Variants in CPPED1 observed in about 807,000 individuals in gnomAD.
CPPED1 encodes calcineurin like phosphoesterase domain containing 1.
CPPED1 carries 28 observed loss-of-function variants against 28.0 expected under a neutral mutation model. The ratio of observed to expected loss-of-function variants is 1.00; its 90% CI spans 0.74 to 1.37. The LOEUF is 1.37. Among genes scored for constraint, CPPED1 ranks in the 40% most tolerant of loss-of-function variants. The pLI is 0.00. For synonymous variants in CPPED1, 198 were observed against 180.2 expected, an observed-to-expected ratio of 1.10 and a Z score of -0.79; for missense variants, 504 against 416.5, an observed-to-expected ratio of 1.21 and a Z score of -1.83.
At chr16:12,785,353 G>T (rs948774202) in intron 1 of CPPED1, among the ~76,000 whole-genome samples, 4 of 151,652 alleles carry the variant, frequency 2.6e-5, no homozygotes, top group Admixed American at 2.6e-4. Flanking sequence ...ATGCTCAAGC[G>T]ATCCTCCTGC....
At chr16:12,777,378 C>A (rs1019770909) in intron 2 of CPPED1, among the ~76,000 whole-genome samples, 2 of 152,164 alleles carry the variant, frequency 1.3e-5, no homozygotes, top group East Asian at 1.9e-4. Flanking sequence ...TGAAATCTAA[C>A]AAGGCTTCTG....
chr16:12,745,580 C>A (rs1056441294), intron 2 of CPPED1, among the ~76,000 whole-genome samples: 2 of 152,178 alleles, frequency 1.3e-5, no homozygotes, highest in African/African-American at 4.8e-5. Flanking sequence ...GAACAGAAAA[C>A]CAAATACCGC....
At chr16:12,687,755 G>C (rs550099622) in intron 3 of CPPED1, among the ~76,000 whole-genome samples, 1 of 152,218 alleles carries the variant, frequency 6.6e-6, no homozygotes, top group Admixed American at 6.5e-5. Context: ...CAATACTCCT[G>C]TGTATTGATG....
chr16:12,764,482 C>T (rs550598846), intron 2 of CPPED1, among the ~76,000 whole-genome samples: 3 of 152,198 alleles, frequency 2.0e-5, no homozygotes, highest in Admixed American at 6.5e-5. Context: ...AGATTACAGG[C>T]GTGAGCCACC....
rs533925423 is a variant in CPPED1, at chr16:12,671,811, G to C, written c.716-6696C>G. Among the ~76,000 whole-genome samples the C allele has an allele frequency of 6.0e-4, 92 of 152,202 alleles. 1 individual carries two copies. The highest frequency in any genetic ancestry group is 2.0e-3 in the African/African-American group (85 of 41,524). On this transcript the variant is annotated intron_variant, in intron 3 of 3. Coordinates refer to ENST00000381774, the MANE Select transcript of CPPED1 (RefSeq NM_018340.3). ...TCAATGATGGACGCCATATATGAAG[G>C]TGGTCCCATAAGATTATAATGCTGT...
At chr16:12,686,735 T>C (rs78116148) in intron 3 of CPPED1, among the ~76,000 whole-genome samples, 2,275 of 152,252 alleles carry the variant, frequency 0.015, 49 homozygotes, top group African/African-American at 0.051. Context: ...ACGACAGACA[T>C]GAGAGGCAGA....
At chr16:12,773,119 C>A (rs1365351053) in intron 2 of CPPED1, among the ~76,000 whole-genome samples, 1 of 152,104 alleles carries the variant, frequency 6.6e-6, no homozygotes. Flanking sequence ...AAGTGCAAGA[C>A]CCAAACGAAA....
chr16:12,735,516 G>T (rs1225345098), intron 2 of CPPED1, among the ~76,000 whole-genome samples: 1 of 152,216 alleles, frequency 6.6e-6, no homozygotes, highest in Non-Finnish European at 1.5e-5. Context: ...TGTTGGCCAG[G>T]CTGGCCTCAA....
intron 1 of CPPED1, among the ~76,000 whole-genome samples, chr16:12,789,079 G>A (rs961012277): frequency 3.3e-5 from 5 of 152,180 alleles, no homozygotes; most frequent in African/African-American, 1.2e-4. Flanking sequence ...TTTAATTCAT[G>A]AGTTTCATAA....
chr16:12,778,583 A>G (rs1372647160), intron 2 of CPPED1, among the ~76,000 whole-genome samples: 1 of 152,238 alleles, frequency 6.6e-6, no homozygotes, highest in Non-Finnish European at 1.5e-5. Context: ...GCCAGGGCCA[A>G]GATACTATTT....
chr16:12,756,552 G>T (rs116683305), intron 2 of CPPED1, among the ~76,000 whole-genome samples: 2 of 151,970 alleles, frequency 1.3e-5, no homozygotes, highest in African/African-American at 4.8e-5. Context: ...AATTAGCTGG[G>T]TGTGATGGCA....
At chr16:12,689,915 C>T (rs2079953470) in intron 3 of CPPED1, among the ~76,000 whole-genome samples, 1 of 152,154 alleles carries the variant, frequency 6.6e-6, no homozygotes, top group Non-Finnish European at 1.5e-5. Context: ...GAAACCAAGT[C>T]GACACTTGAT....
intron 2 of CPPED1, among the ~76,000 whole-genome samples, chr16:12,718,121 A>C (rs1410226263): frequency 6.6e-6 from 1 of 152,238 alleles, no homozygotes; most frequent in Non-Finnish European, 1.5e-5. Context: ...AGAGAGCTAC[A>C]GTTAGCTCCA....
At chr16:12,704,583 C>CAT in intron 3 of CPPED1, 41 bp downstream of exon 3, 2 of 1,567,672 alleles carry the variant, frequency 1.3e-6, no homozygotes, top group Non-Finnish European at 1.7e-6. Flanking sequence ...CCTCTCTAGA[C>CAT]TTGTCCTTCC....
chr16:12,719,339 C>T (rs999780217), intron 2 of CPPED1, among the ~76,000 whole-genome samples: 2 of 149,274 alleles, frequency 1.3e-5, no homozygotes, highest in East Asian at 2.0e-4. Flanking sequence ...TGCAGTGAGC[C>T]GAGATAGCGC....
rs12920210 is a variant in CPPED1, at chr16:12,709,960, G to C, written c.290-4911C>G. Among the ~76,000 whole-genome samples, 1 of 149,440 alleles carries C rather than the reference G, an allele frequency of 6.7e-6. No homozygotes were observed. Among genetic ancestry groups the C allele is most frequent in the East Asian group, 2.0e-4 (1 of 5,082 alleles). On this transcript the variant is annotated intron_variant, in intron 2 of 3. Transcript: ENST00000381774. This position sits in a 1 kb window ranked among gnomAD's most constrained non-coding sequence, Gnocchi z 4.4. ...GAAGGAAGGGAGGAAGGAAAGAAGG[G>C]AAGGAAGGCAAGGAAGGAAGGAAGG...
chr16:12,754,931 A>G (rs1457709322), intron 2 of CPPED1, among the ~76,000 whole-genome samples: 1 of 152,188 alleles, frequency 6.6e-6, no homozygotes, highest in Non-Finnish European at 1.5e-5. Context: ...GGATGGCTTG[A>G]GCACAGGAGT....
At chr16:12,766,163 C>T (rs143550855) in intron 2 of CPPED1, among the ~76,000 whole-genome samples, 2,560 of 150,968 alleles carry the variant, frequency 0.017, 84 homozygotes, top group African/African-American at 0.059. Context: ...GAGGCAGAGG[C>T]GGGTGCATCA....
intron 1 of CPPED1, among the ~76,000 whole-genome samples, chr16:12,796,282 T>A (rs1418876554): frequency 6.6e-6 from 1 of 151,690 alleles, no homozygotes; most frequent in African/African-American, 2.4e-5. Context: ...TTACCTGAGG[T>A]CAGGAGTTCC....
Sources: gnomAD v4.1 joint callset for allele counts (sites outside exome capture counted in the v4.1 genomes callset) on GRCh38, gnomAD v4.1.1 for gene constraint, Gnocchi (gnomAD v3.1) non-coding constraint, MANE v1.5 for transcripts, NCBI Gene and HGNC (gene_info 2026-07-23, HGNC 2026-07-21) for gene names.